Variants in SPPL3 observed in about 807,000 individuals in gnomAD.
SPPL3 encodes signal peptide peptidase like 3.
SPPL3 carries 5 observed loss-of-function variants against 42.4 expected under a neutral mutation model. The observed-to-expected ratio is 0.12, with a 90% CI of 0.06 to 0.25. The LOEUF is 0.25. Ranked by LOEUF, SPPL3 falls within the 10% of genes least tolerant of loss-of-function variation. The pLI, the probability that SPPL3 is intolerant of heterozygous loss-of-function variation, is 1.00. For synonymous variants in SPPL3, 195 were observed against 181.8 expected (o/e 1.07, Z -0.58); for missense variants, 235 against 489.0 (o/e 0.48, Z 4.90).
intron 1 of SPPL3, among the ~76,000 whole-genome samples, chr12:120,855,237 C>T (rs1183167533): frequency 1.3e-5 from 2 of 152,084 alleles, no homozygotes; most frequent in Non-Finnish European, 2.9e-5. Flanking sequence ...CCATATAGCA[C>T]AAAAAATGAA....
At chr12:120,804,708 AAG>A (rs1491126603) in intron 2 of SPPL3, among the ~76,000 whole-genome samples, 1 of 151,886 alleles carries the variant, frequency 6.6e-6, no homozygotes, top group Admixed American at 6.6e-5. Flanking sequence ...TGTTAAGACT[AAG>A]AGTTACCATT....
chr12:120,777,869 A>C (rs1200136945), intron 6 of SPPL3, among the ~76,000 whole-genome samples: 1 of 152,164 alleles, frequency 6.6e-6, no homozygotes, highest in African/African-American at 2.4e-5. Context: ...AGAATCAGCA[A>C]AGGTGAATTA....
intron 1 of SPPL3, among the ~76,000 whole-genome samples, chr12:120,877,383 AC>A (rs1873137258): frequency 6.6e-6 from 1 of 151,522 alleles, no homozygotes; most frequent in African/African-American, 2.4e-5. Context: ...TTACCCTGAT[AC>A]CAAAACTAAA....
At chr12:120,858,281 G>A (rs1592998879) in intron 1 of SPPL3, among the ~76,000 whole-genome samples, 1 of 152,086 alleles carries the variant, frequency 6.6e-6, no homozygotes, top group Admixed American at 6.5e-5. Context: ...TGGCCAACAT[G>A]GTGAAACCCT....
At chr12:120,895,226 G>A (rs771918081) in intron 1 of SPPL3, among the ~76,000 whole-genome samples, 10 of 152,108 alleles carry the variant, frequency 6.6e-5, no homozygotes, top group Non-Finnish European at 1.0e-4. Flanking sequence ...TCAGGAGTTG[G>A]AGATCAGCCT....
intron 2 of SPPL3, among the ~76,000 whole-genome samples, chr12:120,808,635 A>G: frequency 6.6e-6 from 1 of 152,232 alleles, no homozygotes; most frequent in East Asian, 1.9e-4. Context: ...TCACTGTAAC[A>G]GTCCACTTGT....
intron 3 of SPPL3, among the ~76,000 whole-genome samples, chr12:120,790,388 G>C (rs1378756940): frequency 6.6e-6 from 1 of 152,212 alleles, no homozygotes; most frequent in Non-Finnish European, 1.5e-5. Flanking sequence ...GAGAAACTAA[G>C]ATACACAATA....
intron 1 of SPPL3, among the ~76,000 whole-genome samples, chr12:120,900,794 C>T (rs1213277667): frequency 1.3e-5 from 2 of 151,838 alleles, no homozygotes; most frequent in South Asian, 2.1e-4. Flanking sequence ...TGGTTGTGCA[C>T]GTCTGTGGTC....
At position 120,775,577 on chromosome 12, in the gene SPPL3, TA is replaced by T. The variant is rs201206339; in HGVS notation, c.503-6519del. Reference sequence around the variant, plus strand: ...AATCAGACATCTGTCAAGATTCTGTTAGTCCCTGAACTAGGCAGGGGATAGA... The same window carrying T: ...AATCAGACATCTGTCAAGATTCTGTTGTCCCTGAACTAGGCAGGGGATAGA... On this transcript the variant is annotated intron_variant, in intron 6 of 10. Transcript: ENST00000353487. Among the ~76,000 whole-genome samples the T allele has an allele frequency of 1.5e-3, 232 of 152,360 alleles. 6 individuals carry two copies. The East Asian group carries it at 0.032, about 21-fold the overall frequency.
chr12:120,855,388 C>T (rs1000587350), intron 1 of SPPL3, among the ~76,000 whole-genome samples: 2 of 152,062 alleles, frequency 1.3e-5, no homozygotes, highest in African/African-American at 4.8e-5. Context: ...AATAAAATGA[C>T]TGGTCTCAAG....
intron 6 of SPPL3, 24 bp downstream of exon 6, chr12:120,782,631 A>G (rs371109836): frequency 2.6e-6 from 4 of 1,523,958 alleles, no homozygotes; most frequent in African/African-American, 1.4e-5. Context: ...TAAAATTACA[A>G]TTTGTCACAA....
At chr12:120,821,746 G>T (rs1044843747) in intron 1 of SPPL3, among the ~76,000 whole-genome samples, 1 of 152,042 alleles carries the variant, frequency 6.6e-6, no homozygotes, top group African/African-American at 2.4e-5. Context: ...CTAGGTATTT[G>T]CCCCAAATAA....
intron 1 of SPPL3, chr12:120,903,511 C>T (rs1431500683): frequency 2.8e-6 from 1 of 357,054 alleles, no homozygotes. Context: ...GAGTCAGTTC[C>T]GGGGTGCCTG....
chr12:120,812,481 G>GTAA (rs1284426949), intron 1 of SPPL3, among the ~76,000 whole-genome samples: 2 of 152,172 alleles, frequency 1.3e-5, no homozygotes, highest in Non-Finnish European at 2.9e-5. Flanking sequence ...GAGACAAGTG[G>GTAA]ATATTGAAAC....
At chr12:120,832,550 G>A (rs961703333) in intron 1 of SPPL3, among the ~76,000 whole-genome samples, 1 of 152,158 alleles carries the variant, frequency 6.6e-6, no homozygotes, top group East Asian at 1.9e-4. Context: ...GCGCATGCCT[G>A]TAATCCCAGC....
intron 1 of SPPL3, among the ~76,000 whole-genome samples, chr12:120,866,870 T>C (rs762799667): frequency 6.6e-6 from 1 of 152,238 alleles, no homozygotes; most frequent in African/African-American, 2.4e-5. Flanking sequence ...TAAAAGAACA[T>C]CTGAGAATCC....
chr12:120,810,264 A>G (rs912054752), intron 2 of SPPL3, among the ~76,000 whole-genome samples: 1 of 152,148 alleles, frequency 6.6e-6, no homozygotes, highest in Non-Finnish European at 1.5e-5. Context: ...TTATAGGCAT[A>G]TGGCACTGTG....
intron 1 of SPPL3, chr12:120,835,773 A>G (rs1014339890): frequency 2.0e-5 from 3 of 152,160 alleles, no homozygotes; most frequent in African/African-American, 7.2e-5. Flanking sequence ...GATCACAAGA[A>G]ACAGCTAGCC....
chr12:120,866,369 G>T (rs936550032), intron 1 of SPPL3, among the ~76,000 whole-genome samples: 1 of 151,174 alleles, frequency 6.6e-6, no homozygotes, highest in Admixed American at 6.6e-5. Flanking sequence ...GGGAATCCGT[G>T]TAACAACACA....
Sources: allele counts gnomAD v4.1 joint callset (sites outside exome capture counted in the v4.1 genomes callset), GRCh38; gene constraint gnomAD v4.1.1; transcripts MANE v1.5; gene names NCBI Gene and HGNC (gene_info 2026-07-23, HGNC 2026-07-21).